Variants in NR1I2 observed in about 807,000 individuals in gnomAD.
NR1I2 encodes orphan nuclear receptor PAR1.
Under a neutral mutation model 43.3 loss-of-function variants are expected in NR1I2, and 42 were observed. The ratio of observed to expected loss-of-function variants is 0.97; its 90% CI spans 0.76 to 1.26. The LOEUF is 1.26. Ranked by LOEUF, NR1I2 falls within the 50% of genes most tolerant of loss-of-function variation. The pLI is 0.00. For missense variants in NR1I2, 559 were observed against 566.7 expected (o/e 0.99, Z 0.14); for synonymous variants, 229 against 215.0 (o/e 1.06, Z -0.57).
At chr3:119,800,772 G>A (rs967833651) in intron 1 of NR1I2, among the ~76,000 whole-genome samples, 1 of 152,172 alleles carries the variant, frequency 6.6e-6, no homozygotes, top group Non-Finnish European at 1.5e-5. Flanking sequence ...AAAGGAGTGA[G>A]GGTCTTAGGG....
chr3:119,783,503 T>C (rs1018315303), intron 1 of NR1I2, among the ~76,000 whole-genome samples: 6 of 152,306 alleles, frequency 3.9e-5, no homozygotes, highest in Admixed American at 3.9e-4. Flanking sequence ...AAATATTAAC[T>C]ATCTGGCCTT....
chr3:119,813,622 C>T (rs920732247), intron 5 of NR1I2, among the ~76,000 whole-genome samples: 1 of 152,170 alleles, frequency 6.6e-6, no homozygotes, highest in African/African-American at 2.4e-5. Flanking sequence ...ACACCTGCCA[C>T]AAGCTCCTGG....
rs773499666 is a variant in NR1I2, at chr3:119,811,676, G to A, written c.469G>A (p.Ala157Thr). 3.7e-6 allele frequency: 6 copies of A among 1,613,716 alleles called. No homozygotes were observed. The highest frequency in any genetic ancestry group is 2.7e-5 in the African/African-American group (2 of 75,056). Residue 157 changes from alanine (A) to threonine (T), a missense_variant, in exon 4 of 9, where the codon GCT (alanine) becomes ACT (threonine). Physicochemically the swap from Ala to Thr is moderately conservative, Grantham distance 58. Coordinates refer to ENST00000393716, the MANE Select transcript of NR1I2 (RefSeq NM_003889.4). Reference sequence around the variant, plus strand: ...GATGATGATCAGGGAGCTGATGGACGCTCAGATGAAAACCTTTGACACTAC... The same window carrying A: ...GATGATGATCAGGGAGCTGATGGACACTCAGATGAAAACCTTTGACACTAC...
At chr3:119,809,951 C>A in intron 2 of NR1I2, 110 bp from the exon 3 acceptor site, 1 of 1,405,902 alleles carries the variant, frequency 7.1e-7, no homozygotes, top group Non-Finnish European at 9.9e-7. Flanking sequence ...GGCTAGTGTC[C>A]CCCTCCCCGA....
chr3:119,809,037 C>T (rs904212975), intron 2 of NR1I2, among the ~76,000 whole-genome samples: 1 of 152,220 alleles, frequency 6.6e-6, no homozygotes, highest in Non-Finnish European at 1.5e-5. Context: ...AAGCTCAAAC[C>T]TGCCAGGTCA....
At chr3:119,811,191 T>G (rs946067915) in intron 3 of NR1I2, 4 of 229,990 alleles carry the variant, frequency 1.7e-5, no homozygotes, top group African/African-American at 4.5e-5. Context: ...CAGGAGAGGT[T>G]AAGGAGGTTG....
Position 119,802,630 on chromosome 3 carries a change from T to G in NR1I2, c.-22-4599T>G, listed in dbSNP as rs571478523. 3.7e-4 allele frequency among the ~76,000 whole-genome samples: 56 copies of G among 152,276 alleles called. 1 individual carries two copies. The highest frequency in any genetic ancestry group is 3.4e-3 in the Admixed American group (52 of 15,300). ...ATGCTGAAAATGTAAGGGAGGTTGG[T>G]CTCTTCTAATGTACACTCTGAAATA... is the stretch of plus-strand genomic sequence containing the variant. On this transcript the variant is annotated intron_variant, in intron 1 of 8. Transcript: ENST00000393716.
chr3:119,789,697 G>C (rs1427250474), intron 1 of NR1I2, among the ~76,000 whole-genome samples: 1 of 151,536 alleles, frequency 6.6e-6, no homozygotes, highest in Non-Finnish European at 1.5e-5. Flanking sequence ...CACAACTTCT[G>C]TTTCCTCGGG....
At chr3:119,805,168 C>G (rs187101086) in intron 1 of NR1I2, among the ~76,000 whole-genome samples, 1 of 152,030 alleles carries the variant, frequency 6.6e-6, no homozygotes, top group African/African-American at 2.4e-5. Flanking sequence ...TTCAACCTCT[C>G]GTACTGTTTA....
chr3:119,803,002 G>A, intron 1 of NR1I2: 1 of 456,190 alleles, frequency 2.2e-6, no homozygotes, highest in South Asian at 1.6e-5. Flanking sequence ...GGGTCATGAG[G>A]GTAGAACCCT....
chr3:119,799,987 C>CAA (rs199882310), intron 1 of NR1I2, among the ~76,000 whole-genome samples: 31 of 149,204 alleles, frequency 2.1e-4, no homozygotes, highest in Admixed American at 4.0e-4. Flanking sequence ...AACAAACAAA[C>CAA]ACACACACAC....
intron 1 of NR1I2, among the ~76,000 whole-genome samples, chr3:119,805,844 G>C (rs1224811331): frequency 6.6e-6 from 1 of 152,066 alleles, no homozygotes; most frequent in Admixed American, 6.6e-5. Flanking sequence ...AACACCTAAA[G>C]TATACATTTT....
chr3:119,815,523 C>T, intron 7 of NR1I2, 84 bp downstream of exon 7: 1 of 1,233,862 alleles, frequency 8.1e-7, no homozygotes, highest in Non-Finnish European at 1.2e-6. Context: ...TGGCCTTGCT[C>T]CTCATTCACT....
At chr3:119,808,408 C>T (rs561312670) in intron 2 of NR1I2, among the ~76,000 whole-genome samples, 14 of 152,340 alleles carry the variant, frequency 9.2e-5, no homozygotes, top group South Asian at 8.3e-4. Context: ...TGGCTAGAGC[C>T]GGGCCCAGCC....
chr3:119,783,524 AG>A lies in NR1I2; in HGVS notation c.-23+1225del, dbSNP rs2054806087. On this transcript the variant is annotated intron_variant, in intron 1 of 8. Transcript: ENST00000393716. The stretch of plus-strand genomic sequence containing the variant: ...TAACTATCTGGCCTTTAACAGAAAA[AG>A]TTTGCCAACTCCTGATCTAAAAGCT... Among the ~76,000 whole-genome samples, 3 of 152,336 alleles carry A rather than the reference AG, an allele frequency of 2.0e-5. No homozygotes were observed. In the South Asian group the frequency reaches 6.2e-4, roughly 32 times the overall value.
chr3:119,806,284 A>AT (rs965020166), intron 1 of NR1I2, among the ~76,000 whole-genome samples: 1 of 151,638 alleles, frequency 6.6e-6, no homozygotes, highest in Non-Finnish European at 1.5e-5. Context: ...GTACAGCTCA[A>AT]TTTTTTTTCT....
intron 7 of NR1I2, 79 bp from the exon 8 acceptor site, chr3:119,815,647 G>A (rs2055315202): frequency 1.5e-6 from 2 of 1,305,586 alleles, no homozygotes; most frequent in East Asian, 2.4e-5. Context: ...AGGGTGGTTG[G>A]CGAGCAATGC....
rs1168411212 is a variant in NR1I2, at chr3:119,817,316, G to A, written c.*104G>A. 2.5e-6 allele frequency: 4 copies of A among 1,591,672 alleles called. No individual in the cohort carries two copies. Among genetic ancestry groups the A allele is most frequent in the Admixed American group, 3.4e-5 (2 of 58,816 alleles). Reference sequence around the variant, plus strand: ...ATGGACACTGCCAAGAGCCGACAATGCCCTGCTGGCCTGTCTCCCTAGGGA... The same window carrying A: ...ATGGACACTGCCAAGAGCCGACAATACCCTGCTGGCCTGTCTCCCTAGGGA... On this transcript the variant is annotated 3_prime_UTR_variant, in exon 9 of 9. Coordinates refer to ENST00000393716, the MANE Select transcript of NR1I2 (RefSeq NM_003889.4).
chr3:119,805,689 C>T (rs1197948859), intron 1 of NR1I2, among the ~76,000 whole-genome samples: 27 of 126,260 alleles, frequency 2.1e-4, no homozygotes, highest in Admixed American at 9.1e-5. Flanking sequence ...GGTGACAGAG[C>T]AAGACTTGGT....
Sources: allele counts gnomAD v4.1 joint callset (sites outside exome capture counted in the v4.1 genomes callset), GRCh38; gene constraint gnomAD v4.1.1; transcripts MANE v1.5; gene names NCBI Gene and HGNC (gene_info 2026-07-23, HGNC 2026-07-21).